IGFN1: variants seen among roughly 807,000 people sequenced by gnomAD.
IGFN1 encodes the protein immunoglobulin-like and fibronectin type III domain-containing protein 1.
In IGFN1, 253 loss-of-function variants were observed where a neutral mutation model predicts 289.5. The observed-to-expected ratio is 0.87, with a 90% confidence interval of 0.79 to 0.97. The LOEUF (loss-of-function observed/expected upper bound fraction) is 0.97, where lower values mean the gene tolerates loss of function less well. Among genes scored for constraint, IGFN1 ranks in the 50% least tolerant of loss-of-function variants. The probability of loss-of-function intolerance (pLI) is 0.00; values close to 1 mark genes in which losing one functional copy is unlikely to be tolerated. For missense variants in IGFN1, 4,470 were observed against 4,686.1 expected (o/e 0.95, Z 1.35); for synonymous variants, 1,706 against 1,788.5 (o/e 0.95, Z 1.16).
intron 5 of IGFN1, among the ~76,000 whole-genome samples, chr1:201,198,076 C>T (rs1572164949): frequency 6.6e-6 from 1 of 152,148 alleles, no homozygotes; most frequent in Non-Finnish European, 1.5e-5. Context: ...AAACATAATC[C>T]ATGTTCAAGG....
intron 19 of IGFN1, chr1:201,222,152 T>G: frequency 6.0e-6 from 1 of 165,418 alleles, no homozygotes; most frequent in Non-Finnish European, 1.3e-5. Context: ...GCTCCCATGG[T>G]TCACGTTCAG....
chr1:201,219,664 G>A (rs985020188), intron 18 of IGFN1, among the ~76,000 whole-genome samples: 2 of 152,240 alleles, frequency 1.3e-5, no homozygotes, highest in African/African-American at 4.8e-5. Context: ...CTTGACGGAT[G>A]GGCCAGGTGG....
At chr1:201,200,989 A>G (rs1328602470) in intron 8 of IGFN1, among the ~76,000 whole-genome samples, 1 of 151,708 alleles carries the variant, frequency 6.6e-6, no homozygotes, top group African/African-American at 2.4e-5. Flanking sequence ...CTGCCACCAC[A>G]CCCAGCTAAC....
intron 8 of IGFN1, among the ~76,000 whole-genome samples, 184 bp from the exon 9 acceptor site, chr1:201,201,535 G>T (rs1667158398): frequency 6.6e-6 from 1 of 152,212 alleles, no homozygotes; most frequent in Non-Finnish European, 1.5e-5. Context: ...TTCCTGATCT[G>T]ATCTCTCATC....
chr1:201,201,634 A>C, intron 8 of IGFN1, 85 bp from the exon 9 acceptor site: 34 of 695,858 alleles, frequency 4.9e-5, no homozygotes, highest in Middle Eastern at 2.5e-4. Flanking sequence ...TGGGCCTGGG[A>C]TGGTACCAGA....
intron 3 of IGFN1, 73 bp downstream of exon 3, chr1:201,194,346 G>A (rs558151875): frequency 6.6e-7 from 1 of 1,505,160 alleles, no homozygotes; most frequent in Non-Finnish European, 9.0e-7. Context: ...GAGGGCTGGG[G>A]CACCAACCTT....
chr1:201,202,730 TCCC>T (rs1667218317), intron 9 of IGFN1, among the ~76,000 whole-genome samples: 1 of 57,052 alleles, frequency 1.8e-5, no homozygotes, highest in Non-Finnish European at 3.4e-5. Context: ...CCTCCCTCCC[TCCC>T]TCCCTCCCTC....
At chr1:201,202,745 C>CG (rs1667220914) in intron 9 of IGFN1, among the ~76,000 whole-genome samples, 1 of 118,332 alleles carries the variant, frequency 8.5e-6, no homozygotes, top group Non-Finnish European at 1.8e-5. Flanking sequence ...CCCTCCCTCC[C>CG]TCCCTCCCTT....
intron 3 of IGFN1, among the ~76,000 whole-genome samples, chr1:201,195,059 G>A (rs1558132147): frequency 6.6e-6 from 1 of 152,052 alleles, no homozygotes; most frequent in Non-Finnish European, 1.5e-5. Flanking sequence ...TCTCAGCACC[G>A]GATCCTTCGG....
intron 1 of IGFN1, 95 bp from the exon 2 acceptor site, chr1:201,193,152 C>T (rs1666731781): frequency 1.5e-6 from 1 of 645,696 alleles, no homozygotes; most frequent in African/African-American, 1.8e-5. Context: ...TTTTCCAGCT[C>T]CCACCCCAGA....
Position 201,208,756 on chromosome 1 carries a change from A to G in IGFN1, c.3863A>G (p.Tyr1288Cys), listed in dbSNP as rs1482154657. ...GEMGSVDKEG[Y>C]KKDLGAPENM... ...ATGGGGTCAGTGGATAAGGAAGGTT[A>G]TAAGAAAGATTTGGGGGCTCCTGAG... The change falls in exon 12 of 24, where the codon TAT becomes TGT. Residue 1288 changes from tyrosine to cysteine, a missense_variant. Physicochemically the swap from Tyr to Cys is radical, Grantham distance 194. This residue lies in a region of IGFN1 where 2,011 missense variants were observed against 1,953.4 expected (regional missense o/e 1.03). Coordinates refer to ENST00000335211, the MANE Select transcript of IGFN1 (RefSeq NM_001164586.2). The G allele has an allele frequency of 6.5e-7, 1 of 1,536,784 alleles. No homozygotes were observed. The highest frequency in any genetic ancestry group is 8.7e-7 in the Non-Finnish European group (1 of 1,146,732).
At chr1:201,218,496 C>G (rs1653476542) in intron 17 of IGFN1, 34 bp from the exon 18 acceptor site, 1 of 1,599,546 alleles carries the variant, frequency 6.3e-7, no homozygotes, top group African/African-American at 1.3e-5. Flanking sequence ...CCAGCACCAT[C>G]AGGGTGGGAC....
In IGFN1 at chr1:201,213,559, CT is replaced by C. The variant is rs768765910; in HGVS notation, c.8667del (p.Thr2890ProfsTer96). The C allele has an allele frequency of 1.1e-5, 18 of 1,613,854 alleles. No individual in the cohort carries two copies. Among genetic ancestry groups the C allele is most frequent in the Non-Finnish European group, 1.5e-5 (18 of 1,179,916 alleles). On this transcript the variant is annotated frameshift_variant, in exon 12 of 24. Coordinates refer to ENST00000335211, the MANE Select transcript of IGFN1 (RefSeq NM_001164586.2). LOFTEE classifies it high-confidence loss of function. The part of the protein sequence containing the change: ...RLDIYGERRD[A>X]TRSSTSRYKP... The stretch of plus-strand genomic sequence containing the variant: ...GACATCTATGGAGAGAGGAGAGATG[CT>C]ACCCGGAGTTCCACATCCAGATACA...
chr1:201,211,180 A>T lies in IGFN1; in HGVS notation c.6287A>T (p.Glu2096Val). The part of the protein sequence containing the change: ...TGFRDGLGGS[E>V]EMESMDEAGY... Reference sequence around the variant, plus strand: ...TTCAGGGATGGTTTAGGGGGTTCTGAAGAAATGGAGTCAATGGATGAGGCA... The same window carrying T: ...TTCAGGGATGGTTTAGGGGGTTCTGTAGAAATGGAGTCAATGGATGAGGCA... Residue 2096 changes from glutamate (E) to valine (V), a missense_variant, in exon 12 of 24, where the codon GAA becomes GTA. By Grantham distance (121) the Glu-to-Val change is moderately radical (BLOSUM62 -2). This residue lies in a region of IGFN1 where 2,218 missense variants were observed against 2,114.1 expected (regional missense o/e 1.05). Coordinates refer to ENST00000335211, the MANE Select transcript of IGFN1 (RefSeq NM_001164586.2). 1 of 1,498,566 alleles carries T rather than the reference A, an allele frequency of 6.7e-7. No homozygotes were observed. The highest frequency in any genetic ancestry group is 8.8e-7 in the Non-Finnish European group (1 of 1,133,052). The allele number at this position is 1,498,566 out of a possible 1,614,324, so 92.8% of individuals were successfully genotyped here.
At chr1:201,193,225 G>A (rs1666735210) in intron 1 of IGFN1, 22 bp from the exon 2 acceptor site, 2 of 1,211,552 alleles carry the variant, frequency 1.7e-6, no homozygotes, top group African/African-American at 3.0e-5. Flanking sequence ...TTTCTCAAAA[G>A]CAATTCCATT....
chr1:201,214,092 G>A, intron 12 of IGFN1, 85 bp from the exon 13 acceptor site: 1 of 1,395,716 alleles, frequency 7.2e-7, no homozygotes, highest in Non-Finnish European at 9.5e-7. Flanking sequence ...AGCCCAGTTG[G>A]CAGGACCATG....
At position 201,205,066 on chromosome 1, in the gene IGFN1, C is replaced by T; in HGVS notation, c.917-16C>T. On this transcript the variant is annotated splice_polypyrimidine_tract_variant and intron_variant, in intron 10 of 23. Transcript: ENST00000335211. Reference sequence around the variant, plus strand: ...ATACCATCAAGCTGATATCCCCATTCCTATTTCCCCGGCAGCCATCCCCCC... The same window carrying T: ...ATACCATCAAGCTGATATCCCCATTTCTATTTCCCCGGCAGCCATCCCCCC... 1 of 1,530,946 alleles carries T rather than the reference C, an allele frequency of 6.5e-7. No individual in the cohort carries two copies. Among genetic ancestry groups the T allele is most frequent in the East Asian group, 2.5e-5 (1 of 40,566 alleles). The allele number at this position is 1,530,946 out of a possible 1,614,324, so 94.8% of individuals were successfully genotyped here. A position where few individuals can be genotyped will look rare whatever the true frequency, so the allele number is the denominator to read the frequency against.
At position 201,213,251 on chromosome 1, in the gene IGFN1, T is replaced by A. The variant is rs907401099; in HGVS notation, c.8358T>A (p.Gly2786=). 2.6e-6 allele frequency: 4 copies of A among 1,551,764 alleles called. No individual in the cohort carries two copies. Among genetic ancestry groups the A allele is most frequent in the Non-Finnish European group, 3.5e-6 (4 of 1,147,090 alleles). ...AGGGGTCCCTGGAGGCTGAGAATGG[T>A]GAGGTCCAGGGTCCTGGGGCCCTAA... is the stretch of plus-strand genomic sequence containing the variant. ...GEQGSLEAEN[G]EVQGPGALKE... The change falls in exon 12 of 24, where the codon GGT becomes GGA. Residue 2786 remains glycine (G), a synonymous_variant. Coordinates refer to ENST00000335211, the MANE Select transcript of IGFN1 (RefSeq NM_001164586.2).
rs772318940 is a variant in IGFN1, at chr1:201,225,961, G to A, written c.10624G>A (p.Gly3542Ser). Reference protein sequence around the residue: ...YAVFTRSSAHGPWHEAADRIH... With the variant: ...YAVFTRSSAHSPWHEAADRIH... ...GGTGTTCACACGCTCCTCAGCGCACGGTCCCTGGCACGAGGCAGCCGACCG... is the reference window on the plus strand; with the variant it reads ...GGTGTTCACACGCTCCTCAGCGCACAGTCCCTGGCACGAGGCAGCCGACCG... Residue 3542 changes from glycine to serine, a missense_variant, in exon 22 of 24, where the codon GGT becomes AGT. Gly to Ser is a moderately conservative substitution (Grantham distance 56). Transcript: ENST00000335211. 16 of 1,586,190 alleles carry A rather than the reference G, an allele frequency of 1.0e-5. No homozygotes were observed. Among genetic ancestry groups the A allele is most frequent in the East Asian group, 4.5e-5 (2 of 44,040 alleles).
Sources: gnomAD v4.1 joint callset for allele counts (sites outside exome capture counted in the v4.1 genomes callset) on GRCh38, gnomAD v4.1.1 for gene constraint, gnomAD v4.1.1 regional missense constraint, MANE v1.5 for transcripts, NCBI Gene and HGNC (gene_info 2026-07-23, HGNC 2026-07-21) for gene names.